The following BIRC6 variants were observed in gnomAD, a reference collection of about 807,000 sequenced individuals.
BIRC6 encodes dual E2 ubiquitin-conjugating enzyme/E3 ubiquitin-protein ligase BIRC6.
A neutral mutation model predicts 503.3 loss-of-function variants in BIRC6; 98 were observed. That is an observed-to-expected ratio of 0.19 (90% CI 0.17 to 0.23). BIRC6 has a LOEUF of 0.23. BIRC6 is among the 10% of genes least tolerant of loss of function. The probability of loss-of-function intolerance (pLI) is 1.00; values close to 1 mark genes in which losing one functional copy is unlikely to be tolerated. For missense variants in BIRC6, 5,360 were observed against 5,806.0 expected, an observed-to-expected ratio of 0.92 and a Z score of 2.50; for synonymous variants, 2,240 against 2,078.7, an observed-to-expected ratio of 1.08 and a Z score of -2.11.
chr2:32,410,470 T>C (rs1239497832), intron 9 of BIRC6, among the ~76,000 whole-genome samples: 2 of 152,222 alleles, frequency 1.3e-5, no homozygotes, highest in Non-Finnish European at 2.9e-5. Flanking sequence ...TTAAATCATG[T>C]TTATACTGAA....
intron 65 of BIRC6, among the ~76,000 whole-genome samples, chr2:32,562,555 C>T (rs2059269656): frequency 6.6e-6 from 1 of 152,162 alleles, no homozygotes. Flanking sequence ...GACAGGATCA[C>T]ACAGAAGAGT....
chr2:32,494,960 AC>A (rs1247835600), intron 45 of BIRC6, among the ~76,000 whole-genome samples: 1 of 152,196 alleles, frequency 6.6e-6, no homozygotes, highest in African/African-American at 2.4e-5. Context: ...GACTATTGCC[AC>A]TTTTTTATCT....
Position 32,493,595 on chromosome 2 carries a change from A to C in BIRC6, c.8396A>C (p.His2799Pro). 1 of 1,609,396 alleles carries C rather than the reference A, an allele frequency of 6.2e-7. No homozygotes were observed. The highest frequency in any genetic ancestry group is 8.5e-7 in the Non-Finnish European group (1 of 1,176,674). The change falls in exon 45 of 74, where the codon CAT becomes CCT. Residue 2799 changes from histidine (H) to proline (P), a missense_variant. Transcript: ENST00000421745. ...GAATTTCTTACTCGATTACAAGTGC[A>C]TCTTTCTTCAACATGTCCTCAGATA... The part of the protein sequence containing the change: ...MQEFLTRLQV[H>P]LSSTCPQIFS...
chr2:32,512,141 T>A (rs1037454527), intron 53 of BIRC6, among the ~76,000 whole-genome samples: 14 of 152,218 alleles, frequency 9.2e-5, no homozygotes, highest in African/African-American at 3.1e-4. Flanking sequence ...AATGTCTTCC[T>A]TGTCTTCTGA....
intron 6 of BIRC6, among the ~76,000 whole-genome samples, chr2:32,398,189 C>T (rs554571954): frequency 6.6e-6 from 1 of 152,212 alleles, no homozygotes; most frequent in Non-Finnish European, 1.5e-5. Flanking sequence ...TAGTAACTAG[C>T]AATTCCACTT....
intron 23 of BIRC6, among the ~76,000 whole-genome samples, chr2:32,454,926 A>C (rs1201193296): frequency 1.3e-5 from 2 of 152,206 alleles, no homozygotes; most frequent in Non-Finnish European, 2.9e-5. Context: ...GATTCTAGAA[A>C]GGTCAGAATT....
chr2:32,430,882 G>A lies in BIRC6; in HGVS notation c.3040G>A (p.Asp1014Asn). Residue 1014 changes from aspartate to asparagine, a missense_variant, in exon 12 of 74, where the codon GAC becomes AAC. Physicochemically the swap from Asp to Asn is conservative, Grantham distance 23. Around this residue, in one of 16 missense-constraint regions of BIRC6, gnomAD observed 700 missense variants for 739.3 expected, o/e 0.95. Coordinates refer to ENST00000421745, the MANE Select transcript of BIRC6 (RefSeq NM_016252.4). The part of the protein sequence containing the change: ...PGISGVDLLV[D>N]QPFTLEILTS... ...ATGTTAAGGAGTTGATTTATTGGTG[G>A]ACCAGCCATTCACCCTTGAAATCTT... 1.2e-6 allele frequency: 2 copies of A among 1,602,346 alleles called. No individual in the cohort carries two copies. Among genetic ancestry groups the A allele is most frequent in the Middle Eastern group, 1.7e-4 (1 of 5,998 alleles).
intron 66 of BIRC6, among the ~76,000 whole-genome samples, chr2:32,580,330 G>T (rs985761299): frequency 6.6e-6 from 1 of 152,320 alleles, no homozygotes; most frequent in East Asian, 1.9e-4. Flanking sequence ...AATCAATCCA[G>T]ATTTGGAGGC....
intron 65 of BIRC6, chr2:32,563,557 T>C (rs1043203212): frequency 6.6e-6 from 1 of 152,176 alleles, no homozygotes; most frequent in Admixed American, 6.5e-5. Context: ...TATTAGTGTT[T>C]TAAAGCAATT....
rs551826433 is a variant in BIRC6 at position 32,369,096 on chromosome 2, A to G, written c.326-8492A>G. Among the ~76,000 whole-genome samples, 247 of 152,334 alleles carry G rather than the reference A, an allele frequency of 1.6e-3. 1 individual carries two copies. Among genetic ancestry groups the G allele is most frequent in the African/African-American group, 5.6e-3 (233 of 41,580 alleles). On this transcript the variant is annotated intron_variant, in intron 1 of 73. Transcript: ENST00000421745. ...AGGTGGTGTTTGAGTAAAGATCTGCATGATGCAAGATAGCATCAGTACAGA... is the reference window on the plus strand; with the variant it reads ...AGGTGGTGTTTGAGTAAAGATCTGCGTGATGCAAGATAGCATCAGTACAGA...
intron 57 of BIRC6, 49 bp from the exon 58 acceptor site, chr2:32,524,837 CTT>C: frequency 7.6e-6 from 9 of 1,179,580 alleles, no homozygotes; most frequent in Non-Finnish European, 1.0e-5. Flanking sequence ...TATTACTTCT[CTT>C]CTTAATGATT....
intron 57 of BIRC6, among the ~76,000 whole-genome samples, chr2:32,521,365 C>CAAAAAA (rs35410265): frequency 0.018 from 395 of 21,504 alleles, 98 homozygotes; most frequent in Non-Finnish European, 0.022. Context: ...GACCTCATCT[C>CAAAAAA]AAAAAAAAAA....
intron 2 of BIRC6, 78 bp from the exon 3 acceptor site, chr2:32,380,075 A>G: frequency 1.9e-6 from 2 of 1,031,552 alleles, no homozygotes; most frequent in Non-Finnish European, 2.7e-6. Flanking sequence ...AAATATCTGA[A>G]AGAGGATCTG....
chr2:32,366,077 G>A (rs1279324967), intron 1 of BIRC6, among the ~76,000 whole-genome samples: 1 of 151,606 alleles, frequency 6.6e-6, no homozygotes, highest in Non-Finnish European at 1.5e-5. Context: ...TAGAGATGGG[G>A]TCAGGCTGGA....
chr2:32,499,652 C>T lies in BIRC6; in HGVS notation c.8574C>T (p.Ala2858=), dbSNP rs550913772. The stretch of plus-strand genomic sequence containing the variant: ...TCGTTTCAGTTAGTACTATTTCTGC[C>T]GTGATAGAATCGGTTACATTTTTAG... ...FEVVSVSTIS[A]VIESVTFLVH... is the part of the protein sequence containing the mutation. Residue 2858 remains alanine (A), a synonymous_variant, in exon 46 of 74, where the codon GCC becomes GCT. Transcript: ENST00000421745. 37 of 1,613,830 alleles carry T rather than the reference C, an allele frequency of 2.3e-5. No individual in the cohort carries two copies. The highest frequency in any genetic ancestry group is 1.2e-4 in the South Asian group (11 of 91,072).
At chr2:32,474,931 C>A (rs1047769650) in intron 33 of BIRC6, among the ~76,000 whole-genome samples, 1 of 150,976 alleles carries the variant, frequency 6.6e-6, no homozygotes, top group South Asian at 2.1e-4. Context: ...GTTTTTTTTC[C>A]TGATACCAAA....
chr2:32,387,104 A>G (rs1400265269), intron 3 of BIRC6, among the ~76,000 whole-genome samples: 16 of 152,180 alleles, frequency 1.1e-4, no homozygotes, highest in Admixed American at 1.0e-3. Flanking sequence ...AATGCCTGAA[A>G]GATCTTTTCC....
intron 1 of BIRC6, among the ~76,000 whole-genome samples, chr2:32,371,146 G>C (rs1192595709): frequency 7.1e-6 from 1 of 141,774 alleles, no homozygotes; most frequent in Non-Finnish European, 1.5e-5. Flanking sequence ...CTGGGAGGCA[G>C]AGGTTGCAGT....
intron 65 of BIRC6, among the ~76,000 whole-genome samples, chr2:32,562,804 A>G (rs2059284511): frequency 6.6e-6 from 1 of 152,136 alleles, no homozygotes; most frequent in Non-Finnish European, 1.5e-5. Context: ...AAAATATTCC[A>G]TTGTATGAAC....
Sources: allele counts gnomAD v4.1 joint callset (sites outside exome capture counted in the v4.1 genomes callset), GRCh38; gene constraint gnomAD v4.1.1; regional missense constraint gnomAD v4.1.1; transcripts MANE v1.5; gene names NCBI Gene and HGNC (gene_info 2026-07-23, HGNC 2026-07-21).